The following AFDN variants were observed in gnomAD, a reference collection of about 807,000 sequenced individuals.
AFDN encodes the protein afadin, adherens junction formation factor.
In AFDN, 68 loss-of-function variants were observed where a neutral mutation model predicts 216.6. The ratio of observed to expected loss-of-function variants is 0.31; its 90% CI spans 0.26 to 0.38. The LOEUF is 0.38. AFDN is among the 10% of genes least tolerant of loss of function. AFDN has a pLI of 1.00. For missense variants in AFDN, 2,136 were observed against 2,342.0 expected (o/e 0.91, Z 1.82); for synonymous variants, 868 against 853.7 (o/e 1.02, Z -0.29).
intron 23 of AFDN, among the ~76,000 whole-genome samples, chr6:167,937,684 C>T (rs9355045): frequency 3.9e-5 from 6 of 152,184 alleles, no homozygotes; most frequent in Admixed American, 3.9e-4. Context: ...TAGAATGTGT[C>T]TTATTTGTGC....
At chr6:167,859,781 GTTT>G (rs375813172) in intron 1 of AFDN, among the ~76,000 whole-genome samples, 16 of 109,564 alleles carry the variant, frequency 1.5e-4, no homozygotes, top group Admixed American at 7.1e-4. Flanking sequence ...TGTTATTGTT[GTTT>G]TTTTTTTTTT....
intron 1 of AFDN, among the ~76,000 whole-genome samples, chr6:167,846,981 G>C (rs1781770032): frequency 6.8e-6 from 1 of 148,002 alleles, no homozygotes; most frequent in East Asian, 2.1e-4. Context: ...AAAATAGTGA[G>C]GTATGTCTAT....
intron 8 of AFDN, chr6:167,893,594 C>T: frequency 2.5e-6 from 1 of 406,128 alleles, no homozygotes; most frequent in Non-Finnish European, 4.6e-6. Context: ...CTCACTGTTG[C>T]TGTCCTGCTG....
chr6:167,962,711 G>C lies in AFDN; in HGVS notation c.4968+144G>C. ...CCTGGCTCCCCCAGCTTTGTGATTG[G>C]ACCTGCAACTTTACCCCATCTGGCC... On this transcript the variant is annotated intron_variant, in intron 31 of 33. Coordinates refer to ENST00000683244, the MANE Select transcript of AFDN (RefSeq NM_001386888.1). The surrounding 1 kb of genome is among the most constrained non-coding windows in gnomAD (Gnocchi z 5.2). The C allele has an allele frequency of 4.6e-6, 7 of 1,532,010 alleles. No individual in the cohort carries two copies. The highest frequency in any genetic ancestry group is 6.1e-6 in the Non-Finnish European group (7 of 1,141,200). 94.9% of individuals were successfully genotyped at this position (1,532,010 alleles called of 1,614,324 possible).
intron 1 of AFDN, among the ~76,000 whole-genome samples, chr6:167,833,347 A>G (rs1780034446): frequency 6.6e-6 from 1 of 152,162 alleles, no homozygotes. Flanking sequence ...AATAGAAGAA[A>G]GGTTGACCCA....
intron 1 of AFDN, among the ~76,000 whole-genome samples, chr6:167,847,365 C>CA (rs1476841928): frequency 6.6e-6 from 1 of 152,146 alleles, no homozygotes; most frequent in Non-Finnish European, 1.5e-5. Context: ...ACTTCAGCCC[C>CA]ATATAGCCAG....
chr6:167,840,044 A>G (rs945248967), intron 1 of AFDN, among the ~76,000 whole-genome samples: 1 of 152,200 alleles, frequency 6.6e-6, no homozygotes. Flanking sequence ...AGGCACAGCA[A>G]GCAAGCAGAG....
At chr6:167,874,205 C>T (rs1321835634) in intron 4 of AFDN, among the ~76,000 whole-genome samples, 2 of 152,192 alleles carry the variant, frequency 1.3e-5, no homozygotes, top group Non-Finnish European at 2.9e-5. Flanking sequence ...GACTGTGCCA[C>T]TGGACTACAT....
At chr6:167,909,591 C>T (rs1231779561) in intron 13 of AFDN, among the ~76,000 whole-genome samples, 1 of 152,126 alleles carries the variant, frequency 6.6e-6, no homozygotes, top group Admixed American at 6.5e-5. Context: ...TTAACAGACA[C>T]ATTGCTGCTG....
In AFDN at chr6:167,907,192, G is replaced by A. The variant is rs368143143; in HGVS notation, c.1672G>A (p.Asp558Asn). The A allele has an allele frequency of 5.6e-6, 9 of 1,614,130 alleles. No homozygotes were observed. The highest frequency in any genetic ancestry group is 5.0e-5 in the Admixed American group (3 of 60,020). ...GTAGAGCACCACTAGGCTGGACAGC[G>A]ACAGAGTGTCGTCTGCCTCTAGCAC... ...TSKSTTRLDS[D>N]RVSSASSTAE... Residue 558 changes from aspartate to asparagine, a missense_variant, in exon 13 of 34, where the codon GAC becomes AAC. Physicochemically the swap from Asp to Asn is conservative, Grantham distance 23 (BLOSUM62 1). Transcript: ENST00000683244.
intron 31 of AFDN, chr6:167,964,566 A>G (rs1206364639): frequency 1.9e-6 from 2 of 1,062,940 alleles, no homozygotes; most frequent in Non-Finnish European, 2.3e-6. Flanking sequence ...ATTTATTCTT[A>G]AGAGTTTTCT....
chr6:167,872,623 A>C (rs1784914550), intron 4 of AFDN, among the ~76,000 whole-genome samples: 1 of 152,170 alleles, frequency 6.6e-6, no homozygotes, highest in Non-Finnish European at 1.5e-5. Flanking sequence ...CAGTCTTGCT[A>C]GTCTTAAATA....
chr6:167,864,942 A>G (rs972544854), intron 2 of AFDN, 196 bp downstream of exon 2: 6 of 756,550 alleles, frequency 7.9e-6, no homozygotes, highest in Non-Finnish European at 1.4e-5. Flanking sequence ...CCTGGCACAT[A>G]TATCTGTTGG....
intron 13 of AFDN, among the ~76,000 whole-genome samples, 186 bp downstream of exon 13, chr6:167,907,475 C>G (rs754593025): frequency 1.4e-4 from 22 of 152,258 alleles, no homozygotes; most frequent in Non-Finnish European, 2.6e-4. Context: ...AATTATATCC[C>G]TCACTTATAT....
In AFDN at chr6:167,951,985, G is replaced by A. The variant is rs867996942; in HGVS notation, c.4631G>A (p.Ser1544Asn). The change falls in exon 30 of 34, where the codon AGC (serine) becomes AAC (asparagine). Residue 1544 changes from serine (S) to asparagine (N), a missense_variant. By Grantham distance (46) the Ser-to-Asn change is conservative. This residue lies in a region of AFDN where 981 missense variants were observed against 966.0 expected (regional missense o/e 1.02). Coordinates refer to ENST00000683244, the MANE Select transcript of AFDN (RefSeq NM_001386888.1). This position sits in a 1 kb window ranked among gnomAD's most constrained non-coding sequence, Gnocchi z 7.1. ...QQQMHIVDML[S>N]KEIQELQSKP... ...CAGATGCACATCGTGGACATGCTGAGCAAGGAGATCCAGGAGCTCCAGAGC... is the reference window on the plus strand; with the variant it reads ...CAGATGCACATCGTGGACATGCTGAACAAGGAGATCCAGGAGCTCCAGAGC... 9 of 1,614,100 alleles carry A rather than the reference G, an allele frequency of 5.6e-6. No individual in the cohort carries two copies. Among genetic ancestry groups the A allele is most frequent in the Non-Finnish European group, 7.6e-6 (9 of 1,180,052 alleles).
chr6:167,897,950 A>G (rs762024346), intron 10 of AFDN, among the ~76,000 whole-genome samples: 1 of 152,056 alleles, frequency 6.6e-6, no homozygotes, highest in Non-Finnish European at 1.5e-5. Flanking sequence ...GGCCAACTGT[A>G]TGCTTTTTAA....
intron 23 of AFDN, among the ~76,000 whole-genome samples, chr6:167,937,219 C>G (rs1794120915): frequency 6.6e-6 from 1 of 152,144 alleles, no homozygotes; most frequent in East Asian, 1.9e-4. Flanking sequence ...ATGTGGATAC[C>G]TGTTACATTA....
chr6:167,840,720 G>A (rs1780974150), intron 1 of AFDN, among the ~76,000 whole-genome samples: 2 of 152,192 alleles, frequency 1.3e-5, no homozygotes, highest in South Asian at 4.1e-4. Flanking sequence ...GTTGGTTTGG[G>A]GCTGAGGAGC....
In AFDN at chr6:167,850,936, G is replaced by A. The variant is rs140121473; in HGVS notation, c.106-13615G>A. Among the ~76,000 whole-genome samples, 576 of 151,952 alleles carry A rather than the reference G, an allele frequency of 3.8e-3. 2 individuals are homozygous for A. Among genetic ancestry groups the A allele is most frequent in the African/African-American group, 0.013 (538 of 41,434 alleles). ...TGCTCTGTTGCCCATAGCTGGAGCC[G>A]ATCTCGGCTCATTGCAACCTCTGCC... On this transcript the variant is annotated intron_variant, in intron 1 of 33. Transcript: ENST00000683244.
Sources: allele counts gnomAD v4.1 joint callset (sites outside exome capture counted in the v4.1 genomes callset), GRCh38; gene constraint gnomAD v4.1.1; regional missense constraint gnomAD v4.1.1; non-coding constraint Gnocchi (gnomAD v3.1); transcripts MANE v1.5; gene names NCBI Gene and HGNC (gene_info 2026-07-23, HGNC 2026-07-21).